ANKFN1: variants seen among roughly 807,000 people sequenced by gnomAD.
The protein encoded by ANKFN1 is ankyrin repeat and fibronectin type-III domain-containing protein 1.
ANKFN1 carries 74 observed loss-of-function variants against 108.7 expected under a neutral mutation model. The ratio of observed to expected loss-of-function variants is 0.68; its 90% CI spans 0.56 to 0.83. The LOEUF (loss-of-function observed/expected upper bound fraction) is 0.83, where lower values mean the gene tolerates loss of function less well. Among genes scored for constraint, ANKFN1 ranks in the 40% least tolerant of loss-of-function variants. The probability of loss-of-function intolerance (pLI) is 0.00; values close to 1 mark genes in which losing one functional copy is unlikely to be tolerated. For synonymous variants in ANKFN1, 547 were observed against 516.2 expected, an observed-to-expected ratio of 1.06 and a Z score of -0.81; for missense variants, 1,505 against 1,382.3, an observed-to-expected ratio of 1.09 and a Z score of -1.41.
At chr17:56,207,955 C>T (rs1430189865) in intron 1 of ANKFN1, among the ~76,000 whole-genome samples, 1 of 152,184 alleles carries the variant, frequency 6.6e-6, no homozygotes, top group African/African-American at 2.4e-5. Context: ...CAAAATCTGA[C>T]TCCATCTGGA....
chr17:56,309,516 T>A (rs979176117), intron 3 of ANKFN1, among the ~76,000 whole-genome samples: 2 of 152,166 alleles, frequency 1.3e-5, no homozygotes, highest in African/African-American at 4.8e-5. Flanking sequence ...TTTTCTCTAT[T>A]GTTTTTCTAT....
chr17:56,338,949 TCACTAC>T (rs2045889732), intron 4 of ANKFN1, among the ~76,000 whole-genome samples: 1 of 152,094 alleles, frequency 6.6e-6, no homozygotes, highest in Non-Finnish European at 1.5e-5. Flanking sequence ...GGGGTAAATA[TCACTAC>T]CTTACTCTCC....
chr17:56,387,164 G>A (rs892138838), intron 8 of ANKFN1, among the ~76,000 whole-genome samples: 1 of 151,954 alleles, frequency 6.6e-6, no homozygotes, highest in Non-Finnish European at 1.5e-5. Flanking sequence ...TGGGTTTAAT[G>A]TTACCAATTC....
chr17:56,307,447 C>T (rs533802024), intron 3 of ANKFN1, among the ~76,000 whole-genome samples: 112 of 152,328 alleles, frequency 7.4e-4, no homozygotes, highest in African/African-American at 2.6e-3. Flanking sequence ...CAAAAGAAGA[C>T]ATTTATGCAG....
intron 4 of ANKFN1, among the ~76,000 whole-genome samples, chr17:56,125,599 G>A (rs576242760): frequency 1.3e-5 from 2 of 152,320 alleles, no homozygotes; most frequent in African/African-American, 4.8e-5. Flanking sequence ...TCATAGCCCT[G>A]TAAAGTAAGT....
In ANKFN1 at chr17:56,466,465, T is replaced by A. The variant is rs1214363792; in HGVS notation, c.1667T>A (p.Phe556Tyr). Residue 556 changes from phenylalanine (F) to tyrosine (Y), a missense_variant, in exon 15 of 21, where the codon TTT becomes TAT. By Grantham distance (22) the Phe-to-Tyr change is conservative (BLOSUM62 3). Coordinates refer to ENST00000682825, the MANE Select transcript of ANKFN1 (RefSeq NM_001370326.1). Reference sequence around the variant, plus strand: ...AGGGAGGTGGAGATGCTTTATTCATTTTTTAATGGCAAATGGATGCAGATC... The same window carrying A: ...AGGGAGGTGGAGATGCTTTATTCATATTTTAATGGCAAATGGATGCAGATC... Reference protein sequence around the residue: ...TIREVEMLYSFFNGKWMQISK... With the variant: ...TIREVEMLYSYFNGKWMQISK... 25 of 1,614,186 alleles carry A rather than the reference T, an allele frequency of 1.5e-5. No homozygotes were observed. The highest frequency in any genetic ancestry group is 2.1e-5 in the Non-Finnish European group (25 of 1,180,018).
intron 1 of ANKFN1, among the ~76,000 whole-genome samples, chr17:56,206,237 G>T (rs529137384): frequency 6.6e-6 from 1 of 151,774 alleles, no homozygotes; most frequent in Non-Finnish European, 1.5e-5. Context: ...CTATGTTTTC[G>T]TGTAATTGTC....
chr17:56,152,204 T>C (rs1428966120), upstream of ANKFN1, among the ~76,000 whole-genome samples: 1 of 151,538 alleles, frequency 6.6e-6, no homozygotes, highest in East Asian at 1.9e-4. Flanking sequence ...AGCTAAGCCT[T>C]GGAAGATGAG....
At chr17:56,174,386 G>C in intron 1 of ANKFN1, 2 of 985,630 alleles carry the variant, frequency 2.0e-6, no homozygotes, top group Non-Finnish European at 2.4e-6. Flanking sequence ...GATTGGAGGA[G>C]GGAGCAGAGG....
intron 4 of ANKFN1, among the ~76,000 whole-genome samples, chr17:56,129,454 C>G (rs956525726): frequency 6.7e-6 from 1 of 150,328 alleles, no homozygotes; most frequent in Non-Finnish European, 1.5e-5. Context: ...ATGTTTGAAA[C>G]CATCTAAAGA....
intron 3 of ANKFN1, among the ~76,000 whole-genome samples, chr17:56,268,321 T>C (rs530106419): frequency 2.0e-3 from 298 of 152,346 alleles, no homozygotes; most frequent in African/African-American, 6.8e-3. Context: ...AATCTGCTCC[T>C]GAATGACCTT....
chr17:56,099,518 C>T (rs1293583432), intron 4 of ANKFN1, among the ~76,000 whole-genome samples: 1 of 151,802 alleles, frequency 6.6e-6, no homozygotes, highest in Non-Finnish European at 1.5e-5. Flanking sequence ...AGATTAAGTG[C>T]TTACTAGATT....
rs59587527 is a variant in ANKFN1 at position 56,189,997 on chromosome 17, C to CAAA, written c.-70-22589_-70-22587dup. Among the ~76,000 whole-genome samples the CAAA allele has an allele frequency of 1.8e-3, 251 of 143,280 alleles. 5 individuals are homozygous for CAAA. The East Asian group carries it at 0.029, about 16-fold the overall frequency. The allele number at this position is 143,280 out of a possible 152,430, so 94.0% of individuals were successfully genotyped here. A position where few individuals can be genotyped will look rare whatever the true frequency, so the allele number is the denominator to read the frequency against. Reference sequence around the variant, plus strand: ...GCTGGGACAACTGGACATCCATGTGCAAAAAAAAAAAAAAGTATTCTCTGA... The same window carrying CAAA: ...GCTGGGACAACTGGACATCCATGTGCAAAAAAAAAAAAAAAAAGTATTCTCTGA... On this transcript the variant is annotated intron_variant, in intron 1 of 20. Coordinates refer to ENST00000682825, the MANE Select transcript of ANKFN1 (RefSeq NM_001370326.1).
At chr17:56,442,127 GA>G (rs1375087946) in intron 9 of ANKFN1, among the ~76,000 whole-genome samples, 1 of 152,104 alleles carries the variant, frequency 6.6e-6, no homozygotes, top group Non-Finnish European at 1.5e-5. Context: ...GACCATTAAA[GA>G]ATATAAGCCA....
chr17:56,066,658 C>T (rs1369985234), intron 4 of ANKFN1, among the ~76,000 whole-genome samples: 3 of 152,064 alleles, frequency 2.0e-5, no homozygotes, highest in Non-Finnish European at 4.4e-5. Context: ...GTGTTAAGTA[C>T]ATTCACCGAT....
intron 1 of ANKFN1, among the ~76,000 whole-genome samples, chr17:56,183,203 G>A (rs1911856144): frequency 6.6e-6 from 1 of 152,076 alleles, no homozygotes; most frequent in African/African-American, 2.4e-5. Context: ...ATTATTTAAG[G>A]AGTACATTTC....
intron 18 of ANKFN1, among the ~76,000 whole-genome samples, chr17:56,488,595 C>A (rs372372027): frequency 6.6e-6 from 1 of 152,176 alleles, no homozygotes; most frequent in Non-Finnish European, 1.5e-5. Context: ...ATCCCTAATA[C>A]CCATTTTACA....
rs183698926 is a variant in ANKFN1 at position 56,336,834 on chromosome 17, C to T, written c.188+10479C>T. ...GTTAGGGTGTCGATTTTAGATCTCT[C>T]CTGCTTTCTCTTGTGGGCATTTAGT... is the stretch of plus-strand genomic sequence containing the variant. On this transcript the variant is annotated intron_variant, in intron 4 of 20. Coordinates refer to ENST00000682825, the MANE Select transcript of ANKFN1 (RefSeq NM_001370326.1). Among the ~76,000 whole-genome samples, 4 of 152,224 alleles carry T rather than the reference C, an allele frequency of 2.6e-5. No individual in the cohort carries two copies. The East Asian group carries it at 5.8e-4, about 22-fold the overall frequency.
chr17:56,214,612 A>G (rs1206802431), intron 2 of ANKFN1, among the ~76,000 whole-genome samples: 3 of 152,192 alleles, frequency 2.0e-5, no homozygotes, highest in South Asian at 2.1e-4. Context: ...TCTTTCTTCA[A>G]CTGCAGGTCC....
Sources: allele counts gnomAD v4.1 joint callset (sites outside exome capture counted in the v4.1 genomes callset), GRCh38; gene constraint gnomAD v4.1.1; transcripts MANE v1.5; gene names NCBI Gene and HGNC (gene_info 2026-07-23, HGNC 2026-07-21).